The following DCC variants were observed in gnomAD, a reference collection of about 807,000 sequenced individuals.
DCC encodes netrin receptor DCC.
A neutral mutation model predicts 172.5 loss-of-function variants in DCC; 58 were observed. The observed-to-expected ratio is 0.34, with a 90% confidence interval of 0.27 to 0.42. The LOEUF is 0.42. DCC is among the 10% of genes least tolerant of loss of function. The pLI is 1.00. For missense variants in DCC, 1,740 were observed against 1,791.0 expected, an observed-to-expected ratio of 0.97 and a Z score of 0.51; for synonymous variants, 709 against 644.5, an observed-to-expected ratio of 1.10 and a Z score of -1.52.
chr18:53,505,018 TC>T (rs1364323764), intron 27 of DCC, among the ~76,000 whole-genome samples: 4 of 152,172 alleles, frequency 2.6e-5, no homozygotes, highest in East Asian at 1.9e-4. Flanking sequence ...AGTGACTTTT[TC>T]CCCCCCTAAA....
At chr18:53,500,023 C>CAATT (rs1173930979) in intron 27 of DCC, among the ~76,000 whole-genome samples, 1 of 152,248 alleles carries the variant, frequency 6.6e-6, no homozygotes, top group East Asian at 1.9e-4. Flanking sequence ...GAGTACAACT[C>CAATT]AATTAATTTT....
At chr18:52,344,263 G>T (rs1242497169) in intron 1 of DCC, among the ~76,000 whole-genome samples, 1 of 152,174 alleles carries the variant, frequency 6.6e-6, no homozygotes, top group African/African-American at 2.4e-5. Context: ...GAAAGTTTCT[G>T]CTAGAGTACA....
At chr18:53,021,034 A>G (rs929872379) in intron 5 of DCC, among the ~76,000 whole-genome samples, 10 of 152,192 alleles carry the variant, frequency 6.6e-5, no homozygotes, top group Admixed American at 2.6e-4. Flanking sequence ...CAGGGAGCAG[A>G]GAGGAAAATA....
intron 26 of DCC, among the ~76,000 whole-genome samples, chr18:53,487,971 G>T (rs980452670): frequency 2.0e-5 from 3 of 152,148 alleles, no homozygotes; most frequent in Admixed American, 6.5e-5. Context: ...AGAATTGAGA[G>T]CCCACAAGTG....
intron 22 of DCC, among the ~76,000 whole-genome samples, chr18:53,441,485 C>T (rs1362178976): frequency 1.3e-5 from 2 of 152,076 alleles, no homozygotes; most frequent in Non-Finnish European, 2.9e-5. Context: ...GATCTCCACC[C>T]CGACGTATTC....
intron 1 of DCC, among the ~76,000 whole-genome samples, chr18:52,442,221 T>C (rs1184217081): frequency 6.6e-6 from 1 of 152,186 alleles, no homozygotes; most frequent in African/African-American, 2.4e-5. Flanking sequence ...CTCTAATTTC[T>C]CATCTGTCAA....
intron 1 of DCC, among the ~76,000 whole-genome samples, chr18:52,549,599 G>T (rs924922131): frequency 1.3e-5 from 2 of 151,964 alleles, no homozygotes; most frequent in African/African-American, 4.8e-5. Flanking sequence ...GTGAATAATA[G>T]AATACTAGAG....
chr18:52,905,985 T>A lies in DCC; in HGVS notation c.413-59T>A, dbSNP rs942926280. ...AAAGAATACAAAGTGATTATTTTTA[T>A]TGGCGATTATTGTGCTTTATTTGGA... is the stretch of plus-strand genomic sequence containing the variant. On this transcript the variant is annotated intron_variant, in intron 2 of 28. Coordinates refer to ENST00000442544, the MANE Select transcript of DCC (RefSeq NM_005215.4). The A allele has an allele frequency of 5.4e-6, 6 of 1,102,384 alleles. No individual in the cohort carries two copies. The East Asian group carries it at 1.4e-4, about 26-fold the overall frequency. The allele number at this position is 1,102,384 out of a possible 1,614,324, so 68.3% of individuals were successfully genotyped here.
Position 53,526,620 on chromosome 18 carries a change from C to G in DCC, c.4115C>G (p.Pro1372Arg). 1 of 1,613,282 alleles carries G rather than the reference C, an allele frequency of 6.2e-7. No individual in the cohort carries two copies. Among genetic ancestry groups the G allele is most frequent in the Non-Finnish European group, 8.5e-7 (1 of 1,179,528 alleles). ...ATCACTGTGTTTTCTATTTCAGGGCCCACTCTTCCTAAGACCCATGTGAAA... is the reference window on the plus strand; with the variant it reads ...ATCACTGTGTTTTCTATTTCAGGGCGCACTCTTCCTAAGACCCATGTGAAA... The part of the protein sequence containing the change: ...PYTPLLSQPG[P>R]TLPKTHVKTA... Residue 1372 changes from proline (P) to arginine (R), a missense_variant, in exon 28 of 29, where the codon CCC becomes CGC. This residue lies in a region of DCC where 1,732 missense variants were observed against 1,767.4 expected (regional missense o/e 0.98). Coordinates refer to ENST00000442544, the MANE Select transcript of DCC (RefSeq NM_005215.4).
chr18:52,763,564 C>T (rs1218187304), intron 2 of DCC, among the ~76,000 whole-genome samples: 1 of 152,162 alleles, frequency 6.6e-6, no homozygotes, highest in Non-Finnish European at 1.5e-5. Context: ...TAAATGTTCT[C>T]TTCCACCTCA....
chr18:52,766,238 T>C (rs2037250427), intron 2 of DCC, among the ~76,000 whole-genome samples: 1 of 152,138 alleles, frequency 6.6e-6, no homozygotes, highest in African/African-American at 2.4e-5. Flanking sequence ...AGGAGCAAAC[T>C]CTATGCAGGC....
chr18:52,607,551 G>T (rs1429373501), intron 1 of DCC, among the ~76,000 whole-genome samples: 2 of 152,080 alleles, frequency 1.3e-5, no homozygotes, highest in Non-Finnish European at 2.9e-5. Context: ...TGAAATCCGT[G>T]GGGCAAGGAA....
chr18:52,457,418 C>A (rs991534123), intron 1 of DCC, among the ~76,000 whole-genome samples: 1 of 152,130 alleles, frequency 6.6e-6, no homozygotes, highest in Non-Finnish European at 1.5e-5. Context: ...TCAAATATAT[C>A]TACTATACAA....
intron 1 of DCC, among the ~76,000 whole-genome samples, chr18:52,402,941 T>G (rs1986495761): frequency 6.6e-6 from 1 of 152,004 alleles, no homozygotes. Flanking sequence ...ACAGTCAGTG[T>G]TCAAGTGTGC....
chr18:52,717,839 C>T (rs2036410396), intron 1 of DCC, among the ~76,000 whole-genome samples: 1 of 152,086 alleles, frequency 6.6e-6, no homozygotes, highest in Admixed American at 6.5e-5. Flanking sequence ...CTGCATGAGT[C>T]CACATACATA....
chr18:53,125,243 T>C (rs1193953155), intron 7 of DCC, among the ~76,000 whole-genome samples: 1 of 151,994 alleles, frequency 6.6e-6, no homozygotes, highest in Non-Finnish European at 1.5e-5. Context: ...AGGTTAGGAG[T>C]TTTATTTTGT....
chr18:53,305,028 G>T (rs981494402), intron 12 of DCC, among the ~76,000 whole-genome samples: 1 of 152,236 alleles, frequency 6.6e-6, no homozygotes, highest in Admixed American at 6.5e-5. Flanking sequence ...TTATAAAGGG[G>T]AGTTCCCCTA....
chr18:52,895,893 T>G (rs1022701412), intron 2 of DCC, among the ~76,000 whole-genome samples: 1 of 152,156 alleles, frequency 6.6e-6, no homozygotes, highest in Non-Finnish European at 1.5e-5. Context: ...CAAGTGATTC[T>G]CATGCCTCAG....
chr18:52,943,597 T>C (rs534420827), intron 5 of DCC, among the ~76,000 whole-genome samples: 2 of 152,210 alleles, frequency 1.3e-5, no homozygotes, highest in East Asian at 3.9e-4. Context: ...ACCATATGTA[T>C]TTACAGTTAA....
Sources: gnomAD v4.1 joint callset for allele counts (sites outside exome capture counted in the v4.1 genomes callset) on GRCh38, gnomAD v4.1.1 for gene constraint, gnomAD v4.1.1 regional missense constraint, MANE v1.5 for transcripts, NCBI Gene and HGNC (gene_info 2026-07-23, HGNC 2026-07-21) for gene names.